ZNF862: variants seen among roughly 807,000 people sequenced by gnomAD.
ZNF862 encodes the protein zinc finger protein 862.
In ZNF862, 64 loss-of-function variants were observed where a neutral mutation model predicts 91.1. That is an observed-to-expected ratio of 0.70 (90% CI 0.57 to 0.87). The LOEUF (loss-of-function observed/expected upper bound fraction) is 0.87. Ranked by LOEUF, ZNF862 falls within the 40% of genes least tolerant of loss-of-function variation. The pLI is 0.00. For synonymous variants in ZNF862, 631 were observed against 618.1 expected, an observed-to-expected ratio of 1.02 and a Z score of -0.31; for missense variants, 1,459 against 1,528.0, an observed-to-expected ratio of 0.95 and a Z score of 0.75.
intron 2 of ZNF862, among the ~76,000 whole-genome samples, chr7:149,845,242 A>G (rs1470373986): frequency 1.1e-4 from 16 of 152,368 alleles, no homozygotes. Context: ...GCACAAGTGT[A>G]GGTATTTTCA....
At position 149,847,778 on chromosome 7, in the gene ZNF862, T is replaced by A; in HGVS notation, c.285T>A (p.Gly95=). 4 of 1,613,732 alleles carry A rather than the reference T, an allele frequency of 2.5e-6. No homozygotes were observed. The highest frequency in any genetic ancestry group is 3.4e-6 in the Non-Finnish European group (4 of 1,179,812). The change falls in exon 4 of 8, where the codon GGT becomes GGA. Residue 95 remains glycine, a synonymous_variant. Coordinates refer to ENST00000223210, the MANE Select transcript of ZNF862 (RefSeq NM_001099220.3). Reference sequence around the variant, plus strand: ...ACATGGGAGAAATGGAGGTGCAAGGTCCCACCAGGGAGAGTGGACAGTCCC... The same window carrying A: ...ACATGGGAGAAATGGAGGTGCAAGGACCCACCAGGGAGAGTGGACAGTCCC... ...MGYMGEMEVQ[G]PTRESGQSLP...
intron 5 of ZNF862, among the ~76,000 whole-genome samples, chr7:149,852,337 T>TTTTTTTTG: frequency 7.1e-6 from 1 of 140,408 alleles, no homozygotes; most frequent in African/African-American, 2.7e-5. Flanking sequence ...GAACTCAGTT[T>TTTTTTTTG]TGTGTGTGTG....
intron 1 of ZNF862, among the ~76,000 whole-genome samples, chr7:149,839,050 C>A (rs1483688025): frequency 6.6e-6 from 1 of 152,228 alleles, no homozygotes; most frequent in Non-Finnish European, 1.5e-5. Context: ...TCCTCCTTAC[C>A]AAGAAAGGGC....
chr7:149,862,514 C>T lies in ZNF862; in HGVS notation c.3334+20C>T. The T allele has an allele frequency of 6.4e-7, 1 of 1,558,888 alleles. No homozygotes were observed. ...CTGCAAGTAAGTACACGTGGCAGAGCTCCCCCAAGGCAGCCTCATGCTGAG... is the reference window on the plus strand; with the variant it reads ...CTGCAAGTAAGTACACGTGGCAGAGTTCCCCCAAGGCAGCCTCATGCTGAG... On this transcript the variant is annotated intron_variant, in intron 7 of 7. Transcript: ENST00000223210.
rs777123960 is a variant in ZNF862, at chr7:149,852,334, GTT to G, written c.1117+1999_1117+2000del. Among the ~76,000 whole-genome samples the G allele has an allele frequency of 4.2e-3, 487 of 115,816 alleles. 2 individuals carry two copies. The highest frequency in any genetic ancestry group is 7.0e-3 in the Non-Finnish European group (391 of 55,762). The allele number at this position is 115,816 out of a possible 152,430, so 76.0% of individuals were successfully genotyped here. On this transcript the variant is annotated intron_variant, in intron 5 of 7. Coordinates refer to ENST00000223210, the MANE Select transcript of ZNF862 (RefSeq NM_001099220.3). Reference sequence around the variant, plus strand: ...AAAACAACTTCTTGGGGTGAACTCAGTTTTGTGTGTGTGTGTGTGTGTGTGTG... The same window carrying G: ...AAAACAACTTCTTGGGGTGAACTCAGTTGTGTGTGTGTGTGTGTGTGTGTG...
chr7:149,842,462 C>T (rs1251557808), intron 1 of ZNF862, among the ~76,000 whole-genome samples: 2 of 152,186 alleles, frequency 1.3e-5, no homozygotes, highest in African/African-American at 2.4e-5. Context: ...CTCTTATTCA[C>T]GCAGATTTGT....
At chr7:149,852,780 T>C (rs1802110243) in intron 5 of ZNF862, 1 of 152,216 alleles carries the variant, frequency 6.6e-6, no homozygotes, top group African/African-American at 2.4e-5. Context: ...CAGGCCAACA[T>C]AGGGACTATG....
chr7:149,859,407 T>C lies in ZNF862; in HGVS notation c.1118-15T>C. 2 of 1,559,790 alleles carry C rather than the reference T, an allele frequency of 1.3e-6. No individual in the cohort carries two copies. The highest frequency in any genetic ancestry group is 1.7e-6 in the Non-Finnish European group (2 of 1,150,786). ...ACAGCAGTGACATCAGCATGATTCTTCATCCTTACAACAGGACCTGCCGCT... is the reference window on the plus strand; with the variant it reads ...ACAGCAGTGACATCAGCATGATTCTCCATCCTTACAACAGGACCTGCCGCT... On this transcript the variant is annotated splice_polypyrimidine_tract_variant and intron_variant, in intron 5 of 7. Transcript: ENST00000223210.
intron 1 of ZNF862, chr7:149,841,467 G>A (rs529257376): frequency 9.2e-6 from 9 of 976,796 alleles, no homozygotes; most frequent in Non-Finnish European, 1.1e-5. Context: ...AAATTCTCAT[G>A]TTCATTTATT....
At position 149,848,013 on chromosome 7, in the gene ZNF862, C is replaced by T. The variant is rs751780045; in HGVS notation, c.520C>T (p.Arg174Trp). The T allele has an allele frequency of 1.1e-5, 18 of 1,613,610 alleles. No homozygotes were observed. The highest frequency in any genetic ancestry group is 6.7e-5 in the East Asian group (3 of 44,884). Reference protein sequence around the residue: ...CREYPSIRDKRSRLIEGYTGP... With the variant: ...CREYPSIRDKWSRLIEGYTGP... Reference sequence around the variant, plus strand: ...AGAATACCCCTCCATCAGGGACAAACGGTCAAGACTAATAGAAGGTTATAC... The same window carrying T: ...AGAATACCCCTCCATCAGGGACAAATGGTCAAGACTAATAGAAGGTTATAC... Residue 174 changes from arginine to tryptophan, a missense_variant, in exon 4 of 8, where the codon CGG becomes TGG. Transcript: ENST00000223210.
At chr7:149,844,569 T>C in intron 1 of ZNF862, 56 bp from the exon 2 acceptor site, 1 of 1,358,304 alleles carries the variant, frequency 7.4e-7, no homozygotes, top group Non-Finnish European at 1.0e-6. Context: ...GGAACACTTT[T>C]GGAAGATAAA....
At chr7:149,838,785 C>G in intron 1 of ZNF862, 150 bp downstream of exon 1, 3 of 487,968 alleles carry the variant, frequency 6.1e-6, no homozygotes, top group Non-Finnish European at 9.7e-6. Context: ...TCCCGCACTT[C>G]GGCGCCCGAC....
chr7:149,844,687 C>T lies in ZNF862; in HGVS notation c.87C>T (p.Ser29=). ...TCCAGGAGGAATGGGTGCTGCTGAG[C>T]CAGCAACAGAAGGAGCTCTGTGGTT... ...YLLQEEWVLL[S]QQQKELCGSN... is the part of the protein sequence containing the mutation. The change falls in exon 2 of 8, where the codon AGC becomes AGT. Residue 29 remains serine (S), a synonymous_variant. Transcript: ENST00000223210. 1 of 1,604,682 alleles carries T rather than the reference C, an allele frequency of 6.2e-7. No individual in the cohort carries two copies. Among genetic ancestry groups the T allele is most frequent in the African/African-American group, 1.3e-5 (1 of 74,896 alleles).
chr7:149,845,000 C>T (rs918098806), intron 2 of ZNF862: 6 of 396,372 alleles, frequency 1.5e-5, no homozygotes, highest in East Asian at 5.5e-5. Flanking sequence ...TCTCCTGGTG[C>T]CTCAGAATGC....
rs374726887 is a variant in ZNF862 at position 149,859,633 on chromosome 7, G to C, written c.1222+107G>C. 1.3e-5 allele frequency: 12 copies of C among 925,404 alleles called. No individual in the cohort carries two copies. The Admixed American group carries it at 2.1e-4, about 16-fold the overall frequency. The allele number at this position is 925,404 out of a possible 1,614,324, so 57.3% of individuals were successfully genotyped here. On this transcript the variant is annotated intron_variant, in intron 6 of 7. Coordinates refer to ENST00000223210, the MANE Select transcript of ZNF862 (RefSeq NM_001099220.3). The stretch of plus-strand genomic sequence containing the variant: ...TGTGCTCATCTGATGGGGGCCGATT[G>C]GGCACCAAGCCTGGCAGGAGGCCCT...
At chr7:149,854,859 A>G (rs1228666721) in intron 5 of ZNF862, among the ~76,000 whole-genome samples, 1 of 152,228 alleles carries the variant, frequency 6.6e-6, no homozygotes, top group Non-Finnish European at 1.5e-5. Context: ...CTGCCAGCTG[A>G]GAACAGCACC....
chr7:149,864,174 C>T lies in ZNF862; in HGVS notation c.3400C>T (p.Pro1134Ser), dbSNP rs1802628367. ...YVEEPRTQKP[P>S]ILPSREAAEV... ...GGAGGAGCCCAGGACCCAGAAGCCACCCATCCTGCCCTCCAGGGAAGCAGC... is the reference window on the plus strand; with the variant it reads ...GGAGGAGCCCAGGACCCAGAAGCCATCCATCCTGCCCTCCAGGGAAGCAGC... Residue 1134 changes from proline to serine, a missense_variant, in exon 8 of 8, where the codon CCC becomes TCC. Transcript: ENST00000223210. 6.3e-7 allele frequency: 1 copy of T among 1,595,522 alleles called. No homozygotes were observed. The highest frequency in any genetic ancestry group is 1.1e-5 in the South Asian group (1 of 87,638).
rs776040793 is a variant in ZNF862 at position 149,861,478 on chromosome 7, C to T, written c.2318C>T (p.Pro773Leu). The stretch of plus-strand genomic sequence containing the variant: ...AACGAGCTGCAGGAAGGTGCGGCGC[C>T]TCTGGAGCAGGAGATCATCCGCCTG... ...RLNELQEGAAPLEQEIIRLKD... is the reference protein window; with the variant it reads ...RLNELQEGAALLEQEIIRLKD... Residue 773 changes from proline (P) to leucine (L), a missense_variant, in exon 7 of 8, where the codon CCT (proline) becomes CTT (leucine). By Grantham distance (98) the Pro-to-Leu change is moderately conservative. Transcript: ENST00000223210. This position sits in a 1 kb window ranked among gnomAD's most constrained non-coding sequence, Gnocchi z 6.7. The T allele has an allele frequency of 1.2e-6, 2 of 1,612,928 alleles. No individual in the cohort carries two copies. Among genetic ancestry groups the T allele is most frequent in the African/African-American group, 1.3e-5 (1 of 74,952 alleles).
intron 2 of ZNF862, 83 bp downstream of exon 2, chr7:149,844,819 A>G: frequency 2.2e-6 from 2 of 914,706 alleles, no homozygotes; most frequent in Non-Finnish European, 3.4e-6. Flanking sequence ...CACTGGAGAG[A>G]GTTTTCTGGA....
Sources: gnomAD v4.1 joint callset for allele counts (sites outside exome capture counted in the v4.1 genomes callset) on GRCh38, gnomAD v4.1.1 for gene constraint, Gnocchi (gnomAD v3.1) non-coding constraint, MANE v1.5 for transcripts, NCBI Gene and HGNC (gene_info 2026-07-23, HGNC 2026-07-21) for gene names.